The following GALNT17 variants were observed in gnomAD, a reference collection of about 807,000 sequenced individuals.
The protein encoded by GALNT17 is UDP-GalNAc:polypeptide N-acetylgalactosaminyltransferase-like 3.
Under a neutral mutation model 63.7 loss-of-function variants are expected in GALNT17, and 29 were observed. The observed-to-expected ratio is 0.46, with a 90% CI of 0.34 to 0.62. The LOEUF is 0.62. GALNT17 is among the 20% of genes least tolerant of loss of function. The probability of loss-of-function intolerance (pLI) is 0.01; values close to 1 mark genes in which losing one functional copy is unlikely to be tolerated. For missense variants in GALNT17, 603 were observed against 799.6 expected (o/e 0.75, Z 2.97); for synonymous variants, 305 against 318.3 (o/e 0.96, Z 0.45).
chr7:71,503,915 G>A (rs1788222670), intron 5 of GALNT17, among the ~76,000 whole-genome samples: 1 of 151,820 alleles, frequency 6.6e-6, no homozygotes. Flanking sequence ...CCAATACAGT[G>A]AAACCCCGTC....
intron 5 of GALNT17, among the ~76,000 whole-genome samples, chr7:71,446,023 C>T (rs574405408): frequency 6.6e-6 from 1 of 152,206 alleles, no homozygotes; most frequent in African/African-American, 2.4e-5. Context: ...CTTGAAGAAG[C>T]TTGAAATTGC....
chr7:71,279,892 C>T (rs1790748978), intron 1 of GALNT17, among the ~76,000 whole-genome samples: 1 of 151,710 alleles, frequency 6.6e-6, no homozygotes, highest in African/African-American at 2.4e-5. Context: ...GTGGTGTCTT[C>T]ATTGGGGGTT....
chr7:71,697,063 G>A (rs1791556459), intron 9 of GALNT17, among the ~76,000 whole-genome samples: 1 of 152,138 alleles, frequency 6.6e-6, no homozygotes, highest in Non-Finnish European at 1.5e-5. Flanking sequence ...AGGCTGGACG[G>A]TCAGCTGTTG....
At position 71,192,948 on chromosome 7, in the gene GALNT17, G is replaced by A. The variant is rs1041595381; in HGVS notation, c.238+59908G>A. Among the ~76,000 whole-genome samples, 4 of 152,110 alleles carry A rather than the reference G, an allele frequency of 2.6e-5. No homozygotes were observed. The East Asian group carries it at 7.7e-4, about 29-fold the overall frequency. Reference sequence around the variant, plus strand: ...GCGGTACCTGGAGAGGTGATCCTCTGCGATCAACCTCTCAGGCACTTAATA... The same window carrying A: ...GCGGTACCTGGAGAGGTGATCCTCTACGATCAACCTCTCAGGCACTTAATA... On this transcript the variant is annotated intron_variant, in intron 1 of 10. Transcript: ENST00000333538.
chr7:71,633,631 A>AG (rs1236814274), intron 6 of GALNT17, among the ~76,000 whole-genome samples: 1 of 152,066 alleles, frequency 6.6e-6, no homozygotes, highest in African/African-American at 2.4e-5. Flanking sequence ...TTGCCCTCTG[A>AG]GGGCCCCGAG....
At chr7:71,666,971 T>TA (rs1790995046) in intron 7 of GALNT17, among the ~76,000 whole-genome samples, 1 of 152,212 alleles carries the variant, frequency 6.6e-6, no homozygotes, top group Non-Finnish European at 1.5e-5. Context: ...TTGGGGTGAT[T>TA]GTAAGAACTA....
At chr7:71,639,589 G>T (rs1790575472) in intron 6 of GALNT17, among the ~76,000 whole-genome samples, 1 of 152,194 alleles carries the variant, frequency 6.6e-6, no homozygotes, top group Non-Finnish European at 1.5e-5. Context: ...CTCTGCCATG[G>T]AGATGAATAA....
rs191834275 is a variant in GALNT17, at chr7:71,567,495, C to T, written c.963-3790C>T. ...TGTTTGTTTGTTTGAGACGGAGTCT[C>T]GCTCTGTCACCCAGGCTGGAGTGCA... On this transcript the variant is annotated intron_variant, in intron 5 of 10. Transcript: ENST00000333538. 2.6e-3 allele frequency among the ~76,000 whole-genome samples: 398 copies of T among 152,324 alleles called. 1 individual carries two copies. Among genetic ancestry groups the T allele is most frequent in the Non-Finnish European group, 4.3e-3 (290 of 68,026 alleles).
chr7:71,606,038 C>T (rs1790042001), intron 6 of GALNT17, among the ~76,000 whole-genome samples: 1 of 152,036 alleles, frequency 6.6e-6, no homozygotes, highest in Non-Finnish European at 1.5e-5. Flanking sequence ...CTCCTTGGCT[C>T]AAGGGATCCT....
intron 1 of GALNT17, among the ~76,000 whole-genome samples, chr7:71,240,361 A>G (rs1789971142): frequency 6.6e-6 from 1 of 152,200 alleles, no homozygotes; most frequent in South Asian, 2.1e-4. Context: ...TTTGGGCTTC[A>G]GGTGAACTCA....
At chr7:71,315,300 T>C (rs535072593) in intron 1 of GALNT17, among the ~76,000 whole-genome samples, 1 of 152,356 alleles carries the variant, frequency 6.6e-6, no homozygotes, top group East Asian at 1.9e-4. Context: ...TTGTTTTGAC[T>C]TTTTGGCTGT....
At chr7:71,561,892 G>A (rs1402479180) in intron 5 of GALNT17, among the ~76,000 whole-genome samples, 1 of 152,088 alleles carries the variant, frequency 6.6e-6, no homozygotes, top group Non-Finnish European at 1.5e-5. Flanking sequence ...CTGCCTTCTG[G>A]TACATTCTGG....
chr7:71,526,582 C>T (rs985733187), intron 5 of GALNT17, among the ~76,000 whole-genome samples: 2 of 152,106 alleles, frequency 1.3e-5, no homozygotes, highest in African/African-American at 4.8e-5. Context: ...TGCAGTGGCA[C>T]GATCTTGGCA....
chr7:71,147,910 A>C (rs940195093), intron 1 of GALNT17, among the ~76,000 whole-genome samples: 1 of 152,076 alleles, frequency 6.6e-6, no homozygotes, highest in South Asian at 2.1e-4. Context: ...GATTACATGC[A>C]TGAGCCACTG....
intron 2 of GALNT17, among the ~76,000 whole-genome samples, chr7:71,348,834 AC>A (rs1792140267): frequency 6.6e-6 from 1 of 152,162 alleles, no homozygotes; most frequent in African/African-American, 2.4e-5. Context: ...TACTTAAACA[AC>A]CTTTGTGTTT....
intron 1 of GALNT17, among the ~76,000 whole-genome samples, chr7:71,269,056 T>C (rs1034094641): frequency 2.0e-5 from 3 of 152,120 alleles, no homozygotes; most frequent in African/African-American, 7.2e-5. Context: ...CAGGGATCCC[T>C]GTAGCTTGGA....
chr7:71,221,924 T>TC (rs1389621838), intron 1 of GALNT17, among the ~76,000 whole-genome samples: 3 of 150,846 alleles, frequency 2.0e-5, no homozygotes, highest in African/African-American at 7.3e-5. Context: ...TTTTTTTTTT[T>TC]TTTTTTTGAC....
At chr7:71,549,371 C>T (rs1221206189) in intron 5 of GALNT17, among the ~76,000 whole-genome samples, 6 of 152,032 alleles carry the variant, frequency 3.9e-5, no homozygotes, top group African/African-American at 1.4e-4. Flanking sequence ...AGTTTGAGAC[C>T]AGCTTAGGCT....
chr7:71,312,850 A>G (rs773314753), intron 1 of GALNT17, among the ~76,000 whole-genome samples: 1 of 152,156 alleles, frequency 6.6e-6, no homozygotes, highest in Non-Finnish European at 1.5e-5. Context: ...TATTAAGAAG[A>G]CTCAGGGCTA....
Sources: gnomAD v4.1 joint callset for allele counts (sites outside exome capture counted in the v4.1 genomes callset) on GRCh38, gnomAD v4.1.1 for gene constraint, MANE v1.5 for transcripts, NCBI Gene and HGNC (gene_info 2026-07-23, HGNC 2026-07-21) for gene names.